NACC2: variants seen among roughly 807,000 people sequenced by gnomAD.
The protein encoded by NACC2 is nucleus accumbens-associated protein 2.
Under a neutral mutation model 25.1 loss-of-function variants are expected in NACC2, and 8 were observed. The ratio of observed to expected loss-of-function variants is 0.32; its 90% CI spans 0.19 to 0.57. The LOEUF is 0.57. NACC2 is among the 20% of genes least tolerant of loss of function. The pLI, the probability that NACC2 is intolerant of heterozygous loss-of-function variation, is 0.89. For missense variants in NACC2, 644 were observed against 650.2 expected (o/e 0.99, Z 0.10); for synonymous variants, 435 against 294.7 (o/e 1.48, Z -4.88).
intron 2 of NACC2, among the ~76,000 whole-genome samples, chr9:136,035,710 G>GT (rs1466491566): frequency 1.6e-5 from 2 of 123,238 alleles, no homozygotes; most frequent in Non-Finnish European, 3.4e-5. Context: ...GTCCTTGTTT[G>GT]TTAAAAAAAA....
intron 1 of NACC2, among the ~76,000 whole-genome samples, chr9:136,083,512 A>G (rs888242218): frequency 1.3e-5 from 2 of 152,244 alleles, no homozygotes; most frequent in African/African-American, 4.8e-5. Flanking sequence ...ATGTAAGATC[A>G]AGTTCACATG....
chr9:136,077,334 A>G (rs1427031690), intron 1 of NACC2, among the ~76,000 whole-genome samples: 1 of 152,228 alleles, frequency 6.6e-6, no homozygotes, highest in Non-Finnish European at 1.5e-5. Context: ...CGTCTCAAAA[A>G]ACAAAACAAA....
intron 2 of NACC2, among the ~76,000 whole-genome samples, chr9:136,038,448 G>A (rs1354902426): frequency 6.6e-6 from 1 of 152,184 alleles, no homozygotes; most frequent in Non-Finnish European, 1.5e-5. Context: ...GCTGAGATGG[G>A]AAGATGGCTT....
intron 2 of NACC2, among the ~76,000 whole-genome samples, chr9:136,044,605 C>T (rs936878114): frequency 2.0e-5 from 3 of 152,178 alleles, no homozygotes; most frequent in Admixed American, 6.5e-5. Context: ...AGTGCGGACG[C>T]CCCCGTCCCA....
At position 136,095,223 on chromosome 9, in the gene NACC2, T is replaced by G. The variant is rs1414389849; in HGVS notation, c.-94A>C. 6.8e-6 allele frequency: 1 copy of G among 147,076 alleles called. No homozygotes were observed. The highest frequency in any genetic ancestry group is 2.5e-5 in the African/African-American group (1 of 40,798). The allele number at this position is 147,076 out of a possible 1,614,324, so 9.1% of individuals were successfully genotyped here. On this transcript the variant is annotated 5_prime_UTR_variant, in exon 1 of 6. Transcript: ENST00000277554. ...CCCGGCCCGGTCCGGCCTGGGCAGC[T>G]GCGGCGCGCCGCCCGCGGCAGGAAG...
At chr9:136,064,755 G>A (rs553895948) in intron 1 of NACC2, among the ~76,000 whole-genome samples, 1 of 152,292 alleles carries the variant, frequency 6.6e-6, no homozygotes, top group African/African-American at 2.4e-5. Flanking sequence ...GGACCCAGGA[G>A]AGCCAAAACA....
At chr9:136,028,032 G>C (rs4842078) in intron 2 of NACC2, among the ~76,000 whole-genome samples, 23,211 of 151,966 alleles carry the variant, frequency 0.15, 2,051 homozygotes, top group African/African-American at 0.22. Flanking sequence ...GGCCAAGGTG[G>C]GTGGATCACT....
In NACC2 at chr9:136,007,542, C is replaced by CAG. The variant is rs1840041482; in HGVS notation, c.*3972_*3973dup. 9 of 111,240 alleles carry CAG rather than the reference C, an allele frequency of 8.1e-5. No individual in the cohort carries two copies. The highest frequency in any genetic ancestry group is 1.8e-4 in the Admixed American group (2 of 11,270). The allele number at this position is 111,240 out of a possible 1,614,324, so 6.9% of individuals were successfully genotyped here. A position where few individuals can be genotyped will look rare whatever the true frequency, so the allele number is the denominator to read the frequency against. ...ACACAGACGCACAGACGTGCACACACAGACACGCACACACACACAGACACG... is the reference window on the plus strand; with the variant it reads ...ACACAGACGCACAGACGTGCACACACAGAGACACGCACACACACACAGACACG... On this transcript the variant is annotated 3_prime_UTR_variant, in exon 6 of 6. Coordinates refer to ENST00000277554, the MANE Select transcript of NACC2 (RefSeq NM_144653.5).
At chr9:136,062,688 G>T (rs1389066951) in intron 1 of NACC2, among the ~76,000 whole-genome samples, 1 of 152,238 alleles carries the variant, frequency 6.6e-6, no homozygotes, top group East Asian at 1.9e-4. Context: ...GTCAGCGGGG[G>T]TGGACTGCTT....
At chr9:136,069,871 C>A (rs750112846) in intron 1 of NACC2, among the ~76,000 whole-genome samples, 1 of 151,828 alleles carries the variant, frequency 6.6e-6, no homozygotes, top group Non-Finnish European at 1.5e-5. Context: ...CTAGTAGAGA[C>A]TTCAACAGCC....
rs941288665 is a variant in NACC2 at position 136,057,990 on chromosome 9, C to A, written c.-59-7410G>T. On this transcript the variant is annotated intron_variant, in intron 1 of 5. Transcript: ENST00000277554. ...TTCATAGCTCTCCTCATCTGCATATCATGCCATAAATAGTGAGGCGAGGTA... is the reference window on the plus strand; with the variant it reads ...TTCATAGCTCTCCTCATCTGCATATAATGCCATAAATAGTGAGGCGAGGTA... Among the ~76,000 whole-genome samples the A allele has an allele frequency of 1.3e-5, 2 of 152,164 alleles. 1 individual carries two copies. Among genetic ancestry groups the A allele is most frequent in the Admixed American group, 1.3e-4 (2 of 15,282 alleles).
intron 2 of NACC2, among the ~76,000 whole-genome samples, chr9:136,047,206 G>A (rs949447309): frequency 3.9e-5 from 6 of 152,132 alleles, no homozygotes; most frequent in African/African-American, 1.4e-4. Context: ...TTCCCCGGAC[G>A]AGCCCGGGAC....
chr9:136,011,903 C>A lies in NACC2; in HGVS notation c.1377G>T (p.Leu459=). The A allele has an allele frequency of 3.2e-6, 5 of 1,586,488 alleles. No individual in the cohort carries two copies. The highest frequency in any genetic ancestry group is 3.4e-6 in the Non-Finnish European group (4 of 1,169,286). The change falls in exon 6 of 6, where the codon CTG becomes CTT. Residue 459 remains leucine, a synonymous_variant. Coordinates refer to ENST00000277554, the MANE Select transcript of NACC2 (RefSeq NM_144653.5). The stretch of plus-strand genomic sequence containing the variant: ...TGCGGTACATCTCCACGCCCTCCGG[C>A]AGCATGGACTTGATCTTGGGCAGCC... ...KRWLPKIKSM[L]PEGVEMYRTV...
rs1830381161 is a variant in NACC2 at position 136,086,635 on chromosome 9, A to G, written c.-60+8554T>C. Among the ~76,000 whole-genome samples the G allele has an allele frequency of 6.6e-6, 1 of 152,200 alleles. No homozygotes were observed. Among genetic ancestry groups the G allele is most frequent in the East Asian group, 1.9e-4 (1 of 5,192 alleles). On this transcript the variant is annotated intron_variant, in intron 1 of 5. Coordinates refer to ENST00000277554, the MANE Select transcript of NACC2 (RefSeq NM_144653.5). This position sits in a 1 kb window ranked among gnomAD's most constrained non-coding sequence, Gnocchi z 5.6. ...GGACTCACCGCCTAAACTGGGTTAC[A>G]ATAATTAACACGAATCCTGTTCCCA... is the stretch of plus-strand genomic sequence containing the variant.
chr9:136,054,512 C>T (rs1337472283), intron 1 of NACC2, among the ~76,000 whole-genome samples: 1 of 152,162 alleles, frequency 6.6e-6, no homozygotes, highest in African/African-American at 2.4e-5. Flanking sequence ...TGGCTCACGC[C>T]CCCAGGGCCA....
In NACC2 at chr9:136,011,740, C is replaced by G; in HGVS notation, c.1540G>C (p.Val514Leu). ...ATIVALRTDAVNVDLSAAANP... is the reference protein window; with the variant it reads ...ATIVALRTDALNVDLSAAANP... ...GCGGCGGCACTCAGGTCAACATTCA[C>G]GGCGTCAGTTCTCAGAGCCACGATG... The change falls in exon 6 of 6, where the codon GTG becomes CTG. Residue 514 changes from valine to leucine, a missense_variant. Physicochemically the swap from Val to Leu is conservative, Grantham distance 32 (BLOSUM62 1). Transcript: ENST00000277554. The G allele has an allele frequency of 1.3e-6, 2 of 1,537,758 alleles. No homozygotes were observed. The highest frequency in any genetic ancestry group is 1.8e-6 in the Non-Finnish European group (2 of 1,142,522).
intron 1 of NACC2, among the ~76,000 whole-genome samples, chr9:136,067,549 C>T (rs1468611280): frequency 6.6e-6 from 1 of 152,034 alleles, no homozygotes; most frequent in Non-Finnish European, 1.5e-5. Context: ...TTAAACGATG[C>T]TCGATGGGCC....
chr9:136,059,597 C>T (rs879739059), intron 1 of NACC2, among the ~76,000 whole-genome samples: 23 of 152,222 alleles, frequency 1.5e-4, no homozygotes, highest in African/African-American at 2.7e-4. Flanking sequence ...TCCAGCAACG[C>T]GTCCAGGTCA....
rs150610325 is a variant in NACC2, at chr9:136,070,230, G to A, written c.-59-19650C>T. Among the ~76,000 whole-genome samples, 9 of 152,024 alleles carry A rather than the reference G, an allele frequency of 5.9e-5. No individual in the cohort carries two copies. The East Asian group carries it at 1.2e-3, about 20-fold the overall frequency. On this transcript the variant is annotated intron_variant, in intron 1 of 5. Coordinates refer to ENST00000277554, the MANE Select transcript of NACC2 (RefSeq NM_144653.5). ...GTCTCAAGAAAATCAAATACGGGCC[G>A]GGCGTGGTGGCTCACGCCTGTAATC...
Sources: gnomAD v4.1 joint callset for allele counts (sites outside exome capture counted in the v4.1 genomes callset) on GRCh38, gnomAD v4.1.1 for gene constraint, Gnocchi (gnomAD v3.1) non-coding constraint, MANE v1.5 for transcripts, NCBI Gene and HGNC (gene_info 2026-07-23, HGNC 2026-07-21) for gene names.